The following KIF26B variants were observed in gnomAD, a reference collection of about 807,000 sequenced individuals.
KIF26B encodes kinesin family member 26B, also known as kinesin-like protein KIF26B.
KIF26B carries 63 observed loss-of-function variants against 151.2 expected under a neutral mutation model. The observed-to-expected ratio is 0.42, with a 90% confidence interval of 0.34 to 0.51. The LOEUF is 0.51. Among genes scored for constraint, KIF26B ranks in the 20% least tolerant of loss-of-function variants. The pLI is 0.07. For synonymous variants in KIF26B, 1,357 were observed against 1,262.1 expected (o/e 1.08, Z -1.59); for missense variants, 2,813 against 2,913.6 (o/e 0.97, Z 0.79).
intron 2 of KIF26B, among the ~76,000 whole-genome samples, chr1:245,252,320 T>C (rs1181520620): frequency 6.6e-6 from 1 of 151,488 alleles, no homozygotes; most frequent in Non-Finnish European, 1.5e-5. Flanking sequence ...TTTTCCCATA[T>C]ATGAACATAT....
Position 245,156,530 on chromosome 1 carries a change from G to A in KIF26B, c.312G>A (p.Pro104=). The part of the protein sequence containing the change: ...TSSPGSLGGS[P]GFGTGSPGSG... ...CGCCGGGCTCCTTGGGCGGCTCTCC[G>A]GGCTTCGGCACAGGCTCCCCGGGCT... is the stretch of plus-strand genomic sequence containing the variant. Residue 104 remains proline (P), a synonymous_variant, in exon 2 of 15, where the codon CCG becomes CCA. Coordinates refer to ENST00000407071, the MANE Select transcript of KIF26B (RefSeq NM_018012.4). 2 of 1,535,384 alleles carry A rather than the reference G, an allele frequency of 1.3e-6. No individual in the cohort carries two copies. Among genetic ancestry groups the A allele is most frequent in the South Asian group, 1.2e-5 (1 of 84,188 alleles).
chr1:245,701,565 C>T (rs757121439), intron 14 of KIF26B, among the ~76,000 whole-genome samples: 26 of 152,142 alleles, frequency 1.7e-4, no homozygotes, highest in Non-Finnish European at 2.9e-4. Flanking sequence ...CTGCAGACAG[C>T]GGCCACTCTA....
intron 9 of KIF26B, among the ~76,000 whole-genome samples, chr1:245,613,084 G>A (rs570797212): frequency 8.5e-5 from 13 of 152,264 alleles, no homozygotes; most frequent in South Asian, 8.3e-4. Context: ...TGGGCTGGCC[G>A]GGCAGTGGCT....
At chr1:245,556,367 T>TCTTCCTC (rs1662038847) in intron 5 of KIF26B, among the ~76,000 whole-genome samples, 1 of 134,322 alleles carries the variant, frequency 7.4e-6, no homozygotes, top group African/African-American at 3.3e-5. Flanking sequence ...TCCTCCTTCT[T>TCTTCCTC]CTTCTTCCTC....
intron 2 of KIF26B, among the ~76,000 whole-genome samples, chr1:245,356,639 C>T (rs549162747): frequency 7.4e-4 from 112 of 152,292 alleles, no homozygotes; most frequent in Non-Finnish European, 1.4e-3. Context: ...ATGGATTCAT[C>T]GAGTCATTGA....
intron 2 of KIF26B, among the ~76,000 whole-genome samples, chr1:245,173,760 C>A (rs1245365189): frequency 6.6e-6 from 1 of 152,328 alleles, no homozygotes; most frequent in Admixed American, 6.5e-5. Context: ...GTCCCCCCCA[C>A]CTTTTTCTCT....
chr1:245,573,135 G>T (rs535557060), intron 5 of KIF26B, among the ~76,000 whole-genome samples: 33 of 152,124 alleles, frequency 2.2e-4, no homozygotes, highest in Admixed American at 3.9e-4. Flanking sequence ...TCCCCAAGAG[G>T]GTTACACATG....
chr1:245,530,785 C>T (rs1047007221), intron 4 of KIF26B, among the ~76,000 whole-genome samples: 2 of 151,646 alleles, frequency 1.3e-5, no homozygotes, highest in African/African-American at 2.4e-5. Flanking sequence ...AGATGCTTCT[C>T]ATCTGTGCAA....
intron 10 of KIF26B, among the ~76,000 whole-genome samples, chr1:245,672,222 T>C (rs1023846486): frequency 6.6e-6 from 1 of 151,800 alleles, no homozygotes; most frequent in Non-Finnish European, 1.5e-5. Flanking sequence ...CCTGGAACCA[T>C]ATTCGGGATC....
At chr1:245,541,291 G>A (rs943218861) in intron 5 of KIF26B, among the ~76,000 whole-genome samples, 2 of 152,282 alleles carry the variant, frequency 1.3e-5, no homozygotes, top group African/African-American at 4.8e-5. Context: ...ACAAGGTACA[G>A]AAATGAGACG....
intron 5 of KIF26B, among the ~76,000 whole-genome samples, chr1:245,583,156 C>T (rs1265925378): frequency 1.3e-5 from 2 of 152,182 alleles, no homozygotes; most frequent in African/African-American, 2.4e-5. Context: ...TCCTTCGTAT[C>T]TCCTTTCATA....
intron 1 of KIF26B, 69 bp downstream of exon 1, chr1:245,155,556 G>C (rs1354837373): frequency 1.6e-5 from 22 of 1,366,210 alleles, no homozygotes; most frequent in Non-Finnish European, 2.0e-5. Flanking sequence ...CCCTTTCCCC[G>C]GGATCGTGCG....
chr1:245,686,367 G>C lies in KIF26B; in HGVS notation c.3384G>C (p.Pro1128=), dbSNP rs566590110. The change falls in exon 12 of 15, where the codon CCG becomes CCC. Residue 1128 remains proline (P), a synonymous_variant. Coordinates refer to ENST00000407071, the MANE Select transcript of KIF26B (RefSeq NM_018012.4). This position sits in a 1 kb window ranked among gnomAD's most constrained non-coding sequence, Gnocchi z 5.6. ...SLLQPEVRTP[P]VGMSPQVLKK... ...TGCAGCCCGAGGTGCGTACGCCCCC[G>C]GTTGGAATGAGCCCCCAGGTTTTGA... 6.2e-7 allele frequency: 1 copy of C among 1,613,272 alleles called. No homozygotes were observed. Among genetic ancestry groups the C allele is most frequent in the African/African-American group, 1.3e-5 (1 of 74,916 alleles).
intron 3 of KIF26B, among the ~76,000 whole-genome samples, chr1:245,379,749 C>T (rs758352344): frequency 1.3e-5 from 2 of 151,790 alleles, no homozygotes; most frequent in Non-Finnish European, 1.5e-5. Context: ...GACAGGTGGA[C>T]CACCTGAGGT....
chr1:245,671,186 CA>C (rs1350570997), intron 10 of KIF26B, among the ~76,000 whole-genome samples: 1 of 152,174 alleles, frequency 6.6e-6, no homozygotes, highest in Non-Finnish European at 1.5e-5. Flanking sequence ...CATTCTTTTC[CA>C]TGGCTGAATA....
At chr1:245,172,224 G>A (rs930784726) in intron 2 of KIF26B, among the ~76,000 whole-genome samples, 5 of 152,078 alleles carry the variant, frequency 3.3e-5, no homozygotes, top group Admixed American at 6.6e-5. Flanking sequence ...GGTGGGGGGG[G>A]TGGGTACAGA....
At chr1:245,163,181 G>T (rs535936494) in intron 2 of KIF26B, among the ~76,000 whole-genome samples, 140 of 152,236 alleles carry the variant, frequency 9.2e-4, no homozygotes, top group Non-Finnish European at 1.5e-3. Context: ...TCACTCTGTT[G>T]TCCAGGCTGG....
intron 2 of KIF26B, among the ~76,000 whole-genome samples, chr1:245,178,198 C>T (rs1048315017): frequency 3.3e-5 from 5 of 152,172 alleles, no homozygotes; most frequent in Admixed American, 2.6e-4. Flanking sequence ...ATGCTAGTCA[C>T]GTTCAGAAAA....
chr1:245,279,743 C>CT (rs796421302), intron 2 of KIF26B, among the ~76,000 whole-genome samples: 101 of 145,038 alleles, frequency 7.0e-4, no homozygotes, highest in South Asian at 2.2e-3. Context: ...AGTAATCACT[C>CT]TTTTTTTTTT....
Sources: gnomAD v4.1 joint callset for allele counts (sites outside exome capture counted in the v4.1 genomes callset) on GRCh38, gnomAD v4.1.1 for gene constraint, Gnocchi (gnomAD v3.1) non-coding constraint, MANE v1.5 for transcripts, NCBI Gene and HGNC (gene_info 2026-07-23, HGNC 2026-07-21) for gene names.